The following TTC39A variants were observed in gnomAD, a reference collection of about 807,000 sequenced individuals.
The protein encoded by TTC39A is tetratricopeptide repeat protein 39A.
In TTC39A, 46 loss-of-function variants were observed where a neutral mutation model predicts 82.3. That is an observed-to-expected ratio of 0.56 (90% CI 0.44 to 0.71). TTC39A has a LOEUF of 0.71. Among genes scored for constraint, TTC39A ranks in the 30% least tolerant of loss-of-function variants. The pLI is 0.00. For missense variants in TTC39A, 543 were observed against 712.9 expected (o/e 0.76, Z 2.71); for synonymous variants, 254 against 275.2 (o/e 0.92, Z 0.76).
In TTC39A at chr1:51,303,191, T is replaced by C; in HGVS notation, c.656A>G (p.Asp219Gly). Reference protein sequence around the residue: ...LEFVGFSGNKDYGLLQLEEGA... With the variant: ...LEFVGFSGNKGYGLLQLEEGA... ...CTCCTCCAGCTGCAGCAGCCCATAGTCCTGAGGGGATGGGAGGGTGGGTGA... is the reference window on the plus strand; with the variant it reads ...CTCCTCCAGCTGCAGCAGCCCATAGCCCTGAGGGGATGGGAGGGTGGGTGA... Residue 219 changes from aspartate to glycine, a missense_variant and splice_region_variant, in exon 9 of 18, where the codon GAC (aspartate) becomes GGC (glycine). By Grantham distance (94) the Asp-to-Gly change is moderately conservative (BLOSUM62 -1). Coordinates refer to ENST00000680483, the MANE Select transcript of TTC39A (RefSeq NM_001297663.2). 1 of 507,260 alleles carries C rather than the reference T, an allele frequency of 2.0e-6. No homozygotes were observed. The highest frequency in any genetic ancestry group is 3.8e-6 in the Non-Finnish European group (1 of 261,014). The allele number at this position is 507,260 out of a possible 1,614,324, so 31.4% of individuals were successfully genotyped here.
chr1:51,331,121 T>C (rs1394690478), upstream of TTC39A: 2 of 1,350,066 alleles, frequency 1.5e-6, no homozygotes, highest in African/African-American at 2.9e-5. Context: ...AACTGAGGCA[T>C]GGGGTTCATT....
At chr1:51,337,248 C>T (rs1184101600) in intron 1 of TTC39A, among the ~76,000 whole-genome samples, 1 of 152,064 alleles carries the variant, frequency 6.6e-6, no homozygotes, top group Non-Finnish European at 1.5e-5. Flanking sequence ...ATTTCAGCCA[C>T]ACCAGCCTCC....
At chr1:51,319,234 T>C (rs1645403159) in intron 2 of TTC39A, among the ~76,000 whole-genome samples, 1 of 151,872 alleles carries the variant, frequency 6.6e-6, no homozygotes, top group African/African-American at 2.4e-5. Context: ...ATTAATCATA[T>C]GGTTACAGAG....
chr1:51,317,990 T>C (rs1569939162), intron 2 of TTC39A, among the ~76,000 whole-genome samples: 1 of 152,232 alleles, frequency 6.6e-6, no homozygotes, highest in East Asian at 1.9e-4. Context: ...GAAAAGCCCT[T>C]TCAGGGACCA....
At chr1:51,319,746 A>C (rs1402435814) in intron 2 of TTC39A, among the ~76,000 whole-genome samples, 1 of 150,862 alleles carries the variant, frequency 6.6e-6, no homozygotes, top group Non-Finnish European at 1.5e-5. Flanking sequence ...GCTAGAGTGC[A>C]ATGGAGCAAT....
At position 51,288,424 on chromosome 1, in the gene TTC39A, T is replaced by A; in HGVS notation, c.1611-144A>T. ...CCAGAGAGAGTTGAGCCCTACCCAATGGGAGAGTTAACCAGAAGGGTTTGT... is the reference window on the plus strand; with the variant it reads ...CCAGAGAGAGTTGAGCCCTACCCAAAGGGAGAGTTAACCAGAAGGGTTTGT... On this transcript the variant is annotated intron_variant, in intron 17 of 17. Transcript: ENST00000680483. The surrounding 1 kb of genome is among the most constrained non-coding windows in gnomAD (Gnocchi z 4.8). 1.5e-6 allele frequency: 2 copies of A among 1,367,308 alleles called. No individual in the cohort carries two copies. Among genetic ancestry groups the A allele is most frequent in the Non-Finnish European group, 2.0e-6 (2 of 1,011,156 alleles). 84.7% of individuals were successfully genotyped at this position (1,367,308 alleles called of 1,614,324 possible). A position where few individuals can be genotyped will look rare whatever the true frequency, so the allele number is the denominator to read the frequency against.
intron 1 of TTC39A, chr1:51,322,254 C>A (rs776177853): frequency 1.3e-6 from 2 of 1,484,062 alleles, no homozygotes; most frequent in Admixed American, 4.8e-5. Context: ...CCTCCCTCCC[C>A]CAGGCCTGGA....
chr1:51,289,514 A>T (rs2148097616), intron 16 of TTC39A, among the ~76,000 whole-genome samples: 1 of 152,096 alleles, frequency 6.6e-6, no homozygotes, highest in Non-Finnish European at 1.5e-5. Context: ...CTCCACTTCA[A>T]ACCTGTCCTC....
chr1:51,289,447 G>A (rs1009922654), intron 16 of TTC39A, among the ~76,000 whole-genome samples: 7 of 151,918 alleles, frequency 4.6e-5, no homozygotes, highest in Non-Finnish European at 7.4e-5. Context: ...CCCCATCACC[G>A]TCACCCCAGC....
At chr1:51,330,699 G>C (rs564929996), upstream of TTC39A, 13,952 of 905,268 alleles carry the variant, frequency 0.015, 148 homozygotes, top group Non-Finnish European at 0.017. This position sits in a 1 kb window ranked among gnomAD's most constrained non-coding sequence, Gnocchi z 4.5. Context: ...GCACCGCCGG[G>C]GGTTCTGGGC....
Position 51,338,598 on chromosome 1 carries a change from CTT to C in TTC39A, c.53+6391_53+6392del, listed in dbSNP as rs982499820. Among the ~76,000 whole-genome samples the C allele has an allele frequency of 3.5e-3, 394 of 111,802 alleles. 1 individual carries two copies. Among genetic ancestry groups the C allele is most frequent in the African/African-American group, 0.013 (370 of 28,652 alleles). 73.3% of individuals were successfully genotyped at this position (111,802 alleles called of 152,430 possible). A position where few individuals can be genotyped will look rare whatever the true frequency, so the allele number is the denominator to read the frequency against. ...GCAGCGCTGTCGAGTGGAGATTTAT[CTT>C]TTTTTTTTTTTTTTTTTTTTTGAGA... is the stretch of plus-strand genomic sequence containing the variant. On this transcript the variant is annotated intron_variant, in intron 1 of 5. Coordinates refer to the TTC39A transcript ENST00000401051.
intron 1 of TTC39A, among the ~76,000 whole-genome samples, chr1:51,343,323 C>G (rs1256545711): frequency 6.6e-6 from 1 of 152,178 alleles, no homozygotes; most frequent in Non-Finnish European, 1.5e-5. Flanking sequence ...GCGTGGTCAG[C>G]TTTAAATAAG....
In TTC39A at chr1:51,296,064, C is replaced by G; in HGVS notation, c.1145+15G>C. ...GGGAGTGGCCTACACAGTGGGAGCA[C>G]GATGTGGGACCCACCGAAATAATTC... On this transcript the variant is annotated intron_variant, in intron 13 of 17. Coordinates refer to ENST00000680483, the MANE Select transcript of TTC39A (RefSeq NM_001297663.2). The G allele has an allele frequency of 1.3e-6, 2 of 1,564,824 alleles. No individual in the cohort carries two copies. The highest frequency in any genetic ancestry group is 2.4e-5 in the East Asian group (1 of 42,066).
intron 12 of TTC39A, chr1:51,300,094 G>A (rs1557706814): frequency 6.6e-6 from 1 of 152,228 alleles, no homozygotes; most frequent in African/African-American, 2.4e-5. Context: ...GAGAGAAGCA[G>A]AGGCCTCTGA....
chr1:51,307,753 AAGACTTTTTTAC>A (rs1455949557), intron 6 of TTC39A, among the ~76,000 whole-genome samples: 1 of 150,998 alleles, frequency 6.6e-6, no homozygotes. Flanking sequence ...AAAAAAAAAA[AAGACTTTTTTAC>A]TTTTCCTCTT....
At chr1:51,309,766 T>C (rs1204102071) in intron 5 of TTC39A, among the ~76,000 whole-genome samples, 2 of 152,102 alleles carry the variant, frequency 1.3e-5, no homozygotes, top group African/African-American at 4.8e-5. Context: ...ACAAGGGTTG[T>C]GGAAGTTCAT....
chr1:51,308,541 C>T (rs568204907), intron 6 of TTC39A, among the ~76,000 whole-genome samples: 2 of 152,122 alleles, frequency 1.3e-5, no homozygotes, highest in Non-Finnish European at 2.9e-5. Flanking sequence ...TGCCCAGCCT[C>T]AAATCAACTT....
At chr1:51,335,863 C>T (rs923511697), upstream of TTC39A, among the ~76,000 whole-genome samples, 1 of 152,136 alleles carries the variant, frequency 6.6e-6, no homozygotes, top group Non-Finnish European at 1.5e-5. Flanking sequence ...AGTTCTGCCT[C>T]TACCTCTCAG....
intron 4 of TTC39A, among the ~76,000 whole-genome samples, 155 bp from the exon 5 acceptor site, chr1:51,311,476 G>A (rs538385935): frequency 2.0e-5 from 3 of 152,264 alleles, no homozygotes; most frequent in East Asian, 1.9e-4. Flanking sequence ...CAGAGCATTC[G>A]TCACTGTCCC....
Sources: allele counts gnomAD v4.1 joint callset (sites outside exome capture counted in the v4.1 genomes callset), GRCh38; gene constraint gnomAD v4.1.1; non-coding constraint Gnocchi (gnomAD v3.1); transcripts MANE v1.5; gene names NCBI Gene and HGNC (gene_info 2026-07-23, HGNC 2026-07-21).